SLC16A9: variants seen among roughly 807,000 people sequenced by gnomAD.
The protein encoded by SLC16A9 is solute carrier family 16 member 9, also known as monocarboxylate transporter 9.
SLC16A9 carries 26 observed loss-of-function variants against 44.3 expected under a neutral mutation model. That is an observed-to-expected ratio of 0.59 (90% confidence interval 0.43 to 0.81). SLC16A9 has a LOEUF of 0.81. SLC16A9 is among the 40% of genes least tolerant of loss of function. The pLI, the probability that SLC16A9 is intolerant of heterozygous loss-of-function variation, is 0.00. For synonymous variants in SLC16A9, 230 were observed against 225.1 expected, an observed-to-expected ratio of 1.02 and a Z score of -0.19; for missense variants, 559 against 595.8, an observed-to-expected ratio of 0.94 and a Z score of 0.64.
At chr10:59,685,994 T>C (rs1383912205) in intron 1 of SLC16A9, among the ~76,000 whole-genome samples, 1 of 151,394 alleles carries the variant, frequency 6.6e-6, no homozygotes, top group Non-Finnish European at 1.5e-5. Flanking sequence ...TTTTTTTTTT[T>C]TGAGATGGAG....
At chr10:59,662,964 T>C (rs896441448) in intron 4 of SLC16A9, among the ~76,000 whole-genome samples, 2 of 152,156 alleles carry the variant, frequency 1.3e-5, no homozygotes, top group East Asian at 1.9e-4. Context: ...CATTCTACTA[T>C]AAAGACACAT....
intron 1 of SLC16A9, among the ~76,000 whole-genome samples, chr10:59,705,026 T>C (rs984433501): frequency 3.6e-4 from 55 of 152,142 alleles, no homozygotes; most frequent in African/African-American, 1.3e-3. Flanking sequence ...CATGAGAATA[T>C]TGGTAATCAA....
Position 59,682,595 on chromosome 10 carries a change from T to G in SLC16A9, c.196+1501A>C, listed in dbSNP as rs1361380835. On this transcript the variant is annotated intron_variant, in intron 2 of 5. Transcript: ENST00000395348. ...AGTATGTGCTAATTGAGTCAGCATT[T>G]TAATTATCCTTTGACCCTTGCTGGA... is the stretch of plus-strand genomic sequence containing the variant. Among the ~76,000 whole-genome samples, 3 of 152,218 alleles carry G rather than the reference T, an allele frequency of 2.0e-5. No individual in the cohort carries two copies. The East Asian group carries it at 5.8e-4, about 29-fold the overall frequency.
Position 59,702,514 on chromosome 10 carries a change from C to T in SLC16A9, c.-37+6965G>A, listed in dbSNP as rs551731738. ...TTGTCCTCTGTAGTCAGCTCAGTCA[C>T]AGTAAGGTATGTGGTTTCTCTCAAC... On this transcript the variant is annotated intron_variant, in intron 1 of 5. Transcript: ENST00000395348. Among the ~76,000 whole-genome samples, 58 of 152,306 alleles carry T rather than the reference C, an allele frequency of 3.8e-4. 1 individual carries two copies. Among genetic ancestry groups the T allele is most frequent in the African/African-American group, 1.4e-3 (58 of 41,556 alleles).
chr10:59,693,610 ATTAT>A (rs144381389), intron 1 of SLC16A9, among the ~76,000 whole-genome samples: 3 of 151,022 alleles, frequency 2.0e-5, no homozygotes, highest in East Asian at 2.0e-4. Context: ...AATTTTATGT[ATTAT>A]TTATTTATTT....
chr10:59,673,916 C>T (rs1413838113), intron 2 of SLC16A9, among the ~76,000 whole-genome samples: 1 of 152,058 alleles, frequency 6.6e-6, no homozygotes, highest in African/African-American at 2.4e-5. Context: ...ATGAAAGACA[C>T]CCAACATAAA....
chr10:59,701,720 G>GC (rs923624529), intron 1 of SLC16A9, among the ~76,000 whole-genome samples: 8 of 152,116 alleles, frequency 5.3e-5, no homozygotes, highest in African/African-American at 1.2e-4. Context: ...ACAAATCTGT[G>GC]CCCCCCAACC....
At chr10:59,667,141 T>C (rs900701698) in intron 3 of SLC16A9, among the ~76,000 whole-genome samples, 1 of 152,208 alleles carries the variant, frequency 6.6e-6, no homozygotes, top group East Asian at 1.9e-4. Flanking sequence ...ACACATGGAT[T>C]TACTATAACA....
In SLC16A9 at chr10:59,684,274, C is replaced by G. The variant is rs370558954; in HGVS notation, c.18G>C (p.Ser6=). The change falls in exon 2 of 6, where the codon TCG becomes TCC. Residue 6 remains serine (S), a synonymous_variant. Coordinates refer to ENST00000395348, the MANE Select transcript of SLC16A9 (RefSeq NM_194298.3). MELKK[S]PDGGWGWVIV... is the part of the protein sequence containing the mutation. ...TCACCCAGCCCCATCCACCGTCAGG[C>G]GACTTTTTAAGTTCCATTGTAAGAC... The G allele has an allele frequency of 5.6e-6, 9 of 1,612,668 alleles. No individual in the cohort carries two copies. In the East Asian group the frequency reaches 1.6e-4, roughly 28 times the overall value.
intron 1 of SLC16A9, among the ~76,000 whole-genome samples, chr10:59,684,574 T>G (rs1840092521): frequency 6.6e-6 from 1 of 152,102 alleles, no homozygotes; most frequent in Non-Finnish European, 1.5e-5. Flanking sequence ...AAATATAGCC[T>G]TCTCAACCTT....
intron 1 of SLC16A9, among the ~76,000 whole-genome samples, chr10:59,705,782 G>A (rs1239585062): frequency 1.3e-5 from 2 of 152,166 alleles, no homozygotes; most frequent in Non-Finnish European, 2.9e-5. Flanking sequence ...ACTTATTTTA[G>A]AAGGAAACTC....
At chr10:59,656,778 T>C (rs970509432) in intron 4 of SLC16A9, among the ~76,000 whole-genome samples, 3 of 152,304 alleles carry the variant, frequency 2.0e-5, no homozygotes, top group African/African-American at 4.8e-5. Flanking sequence ...AATTAAGCCC[T>C]GCGTGCAATA....
rs974383384 is a variant in SLC16A9 at position 59,650,799 on chromosome 10, A to G, written c.*1973T>C. ...AGAAAAATATTTTATTGTAACTTAAAATTCATCCCCTAGACAACAGATAAC... is the reference window on the plus strand; with the variant it reads ...AGAAAAATATTTTATTGTAACTTAAGATTCATCCCCTAGACAACAGATAAC... On this transcript the variant is annotated 3_prime_UTR_variant, in exon 6 of 6. Transcript: ENST00000395348. The G allele has an allele frequency of 2.0e-5, 3 of 152,298 alleles. No homozygotes were observed. The South Asian group carries it at 6.2e-4, about 32-fold the overall frequency. 9.4% of individuals were successfully genotyped at this position (152,298 alleles called of 1,614,324 possible).
chr10:59,671,372 G>C (rs1303731586), intron 3 of SLC16A9, among the ~76,000 whole-genome samples: 1 of 152,176 alleles, frequency 6.6e-6, no homozygotes, highest in African/African-American at 2.4e-5. Flanking sequence ...TTTCCCCAGA[G>C]AGAACTATGC....
intron 2 of SLC16A9, among the ~76,000 whole-genome samples, chr10:59,677,963 G>A (rs1262914284): frequency 1.4e-4 from 21 of 151,710 alleles, no homozygotes; most frequent in Non-Finnish European, 2.9e-5. Context: ...GTATACATGT[G>A]CCATGCTGGT....
At chr10:59,659,714 A>C (rs1159367464) in intron 4 of SLC16A9, among the ~76,000 whole-genome samples, 1 of 152,178 alleles carries the variant, frequency 6.6e-6, no homozygotes, top group Non-Finnish European at 1.5e-5. Context: ...TCAGCATCAC[A>C]CAGCACTTAT....
chr10:59,687,832 C>T (rs1230425692), intron 1 of SLC16A9, among the ~76,000 whole-genome samples: 2 of 151,932 alleles, frequency 1.3e-5, no homozygotes, highest in Non-Finnish European at 2.9e-5. Context: ...TGTGGTGGTG[C>T]AGCTGTAGTC....
intron 1 of SLC16A9, among the ~76,000 whole-genome samples, chr10:59,696,649 A>G (rs1840384303): frequency 1.4e-5 from 2 of 147,986 alleles, no homozygotes; most frequent in Admixed American, 6.7e-5. Flanking sequence ...CATCCCATCT[A>G]GGAAGTGAGG....
At chr10:59,658,977 A>G (rs1007997944) in intron 4 of SLC16A9, among the ~76,000 whole-genome samples, 4 of 152,156 alleles carry the variant, frequency 2.6e-5, no homozygotes, top group African/African-American at 9.7e-5. Context: ...TTACCCACCT[A>G]CCAGCAAGAA....
Sources: allele counts gnomAD v4.1 joint callset (sites outside exome capture counted in the v4.1 genomes callset), GRCh38; gene constraint gnomAD v4.1.1; transcripts MANE v1.5; gene names NCBI Gene and HGNC (gene_info 2026-07-23, HGNC 2026-07-21).